The following BACH2 variants were observed in gnomAD, a reference collection of about 807,000 sequenced individuals.
BACH2 encodes transcription regulator protein BACH2.
BACH2 carries 5 observed loss-of-function variants against 61.8 expected under a neutral mutation model. The observed-to-expected ratio is 0.08, with a 90% confidence interval of 0.04 to 0.17. The LOEUF (loss-of-function observed/expected upper bound fraction) is 0.17. BACH2 is among the 10% of genes least tolerant of loss of function. BACH2 has a pLI of 1.00. For missense variants in BACH2, 824 were observed against 1,091.1 expected (o/e 0.76, Z 3.45); for synonymous variants, 446 against 440.1 (o/e 1.01, Z -0.17).
At chr6:90,062,971 T>G in intron 5 of BACH2, 4 of 976,276 alleles carry the variant, frequency 4.1e-6, no homozygotes, top group Non-Finnish European at 4.9e-6. Context: ...TACCTGGCAA[T>G]TTGAATAAAA....
At chr6:89,990,407 CTCTT>C (rs1562350407) in intron 6 of BACH2, among the ~76,000 whole-genome samples, 1 of 152,130 alleles carries the variant, frequency 6.6e-6, no homozygotes, top group African/African-American at 2.4e-5. Flanking sequence ...ATCCACTAGA[CTCTT>C]TCTTCATGGC....
chr6:90,151,474 A>C (rs1380640915), intron 4 of BACH2, among the ~76,000 whole-genome samples: 1 of 152,126 alleles, frequency 6.6e-6, no homozygotes, highest in Non-Finnish European at 1.5e-5. Flanking sequence ...TTTTTTTTGT[A>C]GACACAGGGT....
chr6:90,077,958 T>G (rs1204154698), intron 5 of BACH2, among the ~76,000 whole-genome samples: 2 of 152,196 alleles, frequency 1.3e-5, no homozygotes, highest in Admixed American at 6.5e-5. Context: ...CAATACACTT[T>G]ATAATGCAAA....
chr6:89,940,370 G>A (rs981507814), intron 7 of BACH2, among the ~76,000 whole-genome samples: 2 of 152,294 alleles, frequency 1.3e-5, no homozygotes, highest in Non-Finnish European at 2.9e-5. Flanking sequence ...CCCCAAGTGC[G>A]GAAGGTGAGC....
chr6:90,163,810 TCA>T (rs2127834195), intron 4 of BACH2, among the ~76,000 whole-genome samples: 1 of 152,304 alleles, frequency 6.6e-6, no homozygotes, highest in African/African-American at 2.4e-5. Context: ...GCTTCCACGA[TCA>T]CAGTCTAAGA....
chr6:90,091,583 T>C (rs773549159), intron 4 of BACH2, among the ~76,000 whole-genome samples: 21 of 152,194 alleles, frequency 1.4e-4, no homozygotes, highest in Admixed American at 3.9e-4. Context: ...ATAACTGGTA[T>C]AGAGAATGCC....
intron 4 of BACH2, among the ~76,000 whole-genome samples, chr6:90,157,748 A>AG (rs1785042720): frequency 6.6e-6 from 1 of 152,148 alleles, no homozygotes; most frequent in Non-Finnish European, 1.5e-5. Flanking sequence ...TCAGGGTTGC[A>AG]CCAGCTAGAA....
At chr6:90,040,208 A>AT (rs35628181) in intron 5 of BACH2, among the ~76,000 whole-genome samples, 1 of 151,910 alleles carries the variant, frequency 6.6e-6, no homozygotes, top group Non-Finnish European at 1.5e-5. Context: ...TTACGGTTAA[A>AT]TTTTTTTCCC....
chr6:90,115,002 C>G (rs1007420357), intron 4 of BACH2, among the ~76,000 whole-genome samples: 1 of 152,050 alleles, frequency 6.6e-6, no homozygotes. Context: ...TTACAAAACA[C>G]TACTCAAAGA....
chr6:90,222,859 T>A (rs892307298), intron 3 of BACH2, among the ~76,000 whole-genome samples: 4 of 151,976 alleles, frequency 2.6e-5, no homozygotes, highest in Non-Finnish European at 4.4e-5. Context: ...TCATCCTTAG[T>A]CACCTGCACT....
chr6:90,037,467 A>G (rs1234902300), intron 5 of BACH2, among the ~76,000 whole-genome samples: 3 of 152,252 alleles, frequency 2.0e-5, no homozygotes, highest in Non-Finnish European at 2.9e-5. Context: ...ACTTAACTAC[A>G]GTAGTCAGTG....
At chr6:90,056,862 C>G (rs1328842291) in intron 5 of BACH2, among the ~76,000 whole-genome samples, 1 of 152,166 alleles carries the variant, frequency 6.6e-6, no homozygotes, top group Non-Finnish European at 1.5e-5. Flanking sequence ...CAACCTGCTC[C>G]TGAATGACTA....
At chr6:90,129,105 T>C (rs899939504) in intron 4 of BACH2, among the ~76,000 whole-genome samples, 3 of 152,064 alleles carry the variant, frequency 2.0e-5, no homozygotes, top group Non-Finnish European at 4.4e-5. Context: ...CATTAGGAGA[T>C]ATACCTAATG....
In BACH2 at chr6:90,054,405, AGCGAGGCTGGG is replaced by A. The variant is rs1780214913; in HGVS notation, c.-13+34545_-13+34555del. On this transcript the variant is annotated intron_variant, in intron 5 of 8. Transcript: ENST00000257749. ...GTCTGAGATCAAACTGCAAGGCGGCAGCGAGGCTGGGGGAGGGGCGCCCACCACTGCCAAGT... is the reference window on the plus strand; with the variant it reads ...GTCTGAGATCAAACTGCAAGGCGGCAGGAGGGGCGCCCACCACTGCCAAGT... 2.0e-5 allele frequency among the ~76,000 whole-genome samples: 3 copies of A among 152,344 alleles called. No homozygotes were observed. In the South Asian group the frequency reaches 6.2e-4, roughly 32 times the overall value.
intron 4 of BACH2, among the ~76,000 whole-genome samples, chr6:90,121,449 A>G (rs999800635): frequency 6.6e-6 from 1 of 152,098 alleles, no homozygotes; most frequent in African/African-American, 2.4e-5. Flanking sequence ...AACGGTTATT[A>G]TTTGCTTATT....
chr6:90,238,892 T>C (rs1213531429), intron 3 of BACH2, among the ~76,000 whole-genome samples: 2 of 152,216 alleles, frequency 1.3e-5, no homozygotes, highest in South Asian at 2.1e-4. Flanking sequence ...CTTTCATTTA[T>C]ATTTCATAAC....
intron 3 of BACH2, among the ~76,000 whole-genome samples, chr6:90,239,183 G>C (rs984434059): frequency 6.6e-6 from 1 of 152,142 alleles, no homozygotes; most frequent in African/African-American, 2.4e-5. Context: ...CAGCCTAAGA[G>C]TTGCTCGACC....
chr6:90,104,094 T>C (rs1447844695), intron 4 of BACH2, among the ~76,000 whole-genome samples: 1 of 152,202 alleles, frequency 6.6e-6, no homozygotes, highest in Non-Finnish European at 1.5e-5. Flanking sequence ...AAGGGTCCCC[T>C]GATATTATTT....
At chr6:90,283,374 CT>C (rs201608719) in intron 1 of BACH2, among the ~76,000 whole-genome samples, 142 of 144,698 alleles carry the variant, frequency 9.8e-4, no homozygotes, top group Admixed American at 9.0e-4. Flanking sequence ...ACCCCTCATG[CT>C]TTTTTTTTTT....
Sources: allele counts gnomAD v4.1 joint callset (sites outside exome capture counted in the v4.1 genomes callset), GRCh38; gene constraint gnomAD v4.1.1; transcripts MANE v1.5; gene names NCBI Gene and HGNC (gene_info 2026-07-23, HGNC 2026-07-21).